L3MBTL4: variants seen among roughly 807,000 people sequenced by gnomAD.
L3MBTL4 encodes the protein lethal(3)malignant brain tumor-like protein 4.
In L3MBTL4, 70 loss-of-function variants were observed where a neutral mutation model predicts 84.5. The ratio of observed to expected loss-of-function variants is 0.83; its 90% CI spans 0.68 to 1.01. The LOEUF is 1.01. Among genes scored for constraint, L3MBTL4 ranks in the 50% least tolerant of loss-of-function variants. The pLI is 0.00. For missense variants in L3MBTL4, 715 were observed against 754.8 expected, an observed-to-expected ratio of 0.95 and a Z score of 0.62; for synonymous variants, 274 against 259.8, an observed-to-expected ratio of 1.05 and a Z score of -0.52.
chr18:5,969,535 AC>A lies in L3MBTL4; in HGVS notation c.1471del (p.Val491CysfsTer79). 6.2e-7 allele frequency: 1 copy of A among 1,611,054 alleles called. No homozygotes were observed. The highest frequency in any genetic ancestry group is 8.5e-7 in the Non-Finnish European group (1 of 1,178,440). On this transcript the variant is annotated frameshift_variant, in exon 17 of 19. Coordinates refer to ENST00000317931, the MANE Select transcript of L3MBTL4 (RefSeq NM_001330559.2). LOFTEE classifies it high-confidence loss of function. Reference protein sequence around the residue: ...REYSVEQAQQVLHQSVSMSTV... With the variant: ...REYSVEQAQQXLHQSVSMSTV... ...GGACATGGACACTGACTGGTGAAGCACCTGCTGCGCCTGCTCCACCGAGTAT... is the reference window on the plus strand; with the variant it reads ...GGACATGGACACTGACTGGTGAAGCACTGCTGCGCCTGCTCCACCGAGTAT...
chr18:6,027,906 G>C (rs544848549), intron 16 of L3MBTL4, among the ~76,000 whole-genome samples: 127 of 152,032 alleles, frequency 8.4e-4, no homozygotes, highest in Non-Finnish European at 1.6e-3. Flanking sequence ...TCATAAATTT[G>C]TTTAAGTTCC....
intron 5 of L3MBTL4, among the ~76,000 whole-genome samples, chr18:6,244,884 C>A (rs919576805): frequency 9.9e-5 from 15 of 152,056 alleles, no homozygotes; most frequent in African/African-American, 3.6e-4. Context: ...ACTGTCTACC[C>A]CAGGGTTATA....
chr18:6,001,688 A>G (rs1457670339), intron 16 of L3MBTL4, among the ~76,000 whole-genome samples: 2 of 152,202 alleles, frequency 1.3e-5, no homozygotes, highest in Non-Finnish European at 2.9e-5. Flanking sequence ...AGCAGATTTG[A>G]GTAGAAGTAA....
rs369246840 is a variant in L3MBTL4, at chr18:6,066,208, G to A, written c.1444+14673C>T. Among the ~76,000 whole-genome samples, 8 of 152,154 alleles carry A rather than the reference G, an allele frequency of 5.3e-5. No individual in the cohort carries two copies. In the East Asian group the frequency reaches 9.6e-4, roughly 18 times the overall value. ...TTGATTTCCAGTTTTATTCCACAGT[G>A]GTTTCAGAAGACCCTTGTTATGATT... On this transcript the variant is annotated intron_variant, in intron 16 of 18. Transcript: ENST00000317931.
intron 16 of L3MBTL4, among the ~76,000 whole-genome samples, chr18:6,061,047 G>A (rs2057201239): frequency 6.6e-6 from 1 of 152,116 alleles, no homozygotes; most frequent in South Asian, 2.1e-4. Context: ...TGGATCATAT[G>A]TTAAGTCTGT....
At chr18:6,229,605 T>C (rs1165774495) in intron 10 of L3MBTL4, among the ~76,000 whole-genome samples, 1 of 152,120 alleles carries the variant, frequency 6.6e-6, no homozygotes. Flanking sequence ...ACTTCAATAG[T>C]TTTAGTTCTT....
At chr18:6,332,674 G>T (rs566129667) in intron 1 of L3MBTL4, among the ~76,000 whole-genome samples, 1 of 152,328 alleles carries the variant, frequency 6.6e-6, no homozygotes, top group African/African-American at 2.4e-5. Context: ...GGTCCATTCA[G>T]ACCAAAGACA....
At chr18:6,348,167 A>T (rs1255932882) in intron 1 of L3MBTL4, among the ~76,000 whole-genome samples, 11 of 152,018 alleles carry the variant, frequency 7.2e-5, no homozygotes, top group Non-Finnish European at 1.5e-5. Flanking sequence ...AATGAAAAAA[A>T]TACCATATAT....
At chr18:6,188,424 G>A (rs950779532) in intron 12 of L3MBTL4, among the ~76,000 whole-genome samples, 1 of 151,742 alleles carries the variant, frequency 6.6e-6, no homozygotes, top group African/African-American at 2.4e-5. Flanking sequence ...AGGACAATTA[G>A]AAGTATTAGA....
intron 14 of L3MBTL4, among the ~76,000 whole-genome samples, chr18:6,108,821 AC>A (rs2059097908): frequency 6.6e-6 from 1 of 152,214 alleles, no homozygotes; most frequent in South Asian, 2.1e-4. Flanking sequence ...ACACAAAAAA[AC>A]AAATATAGTA....
intron 16 of L3MBTL4, among the ~76,000 whole-genome samples, chr18:6,066,897 A>G (rs1280683344): frequency 6.7e-6 from 1 of 149,180 alleles, no homozygotes; most frequent in African/African-American, 2.5e-5. Context: ...TAGTGATCAT[A>G]TTAGATGTTG....
intron 1 of L3MBTL4, among the ~76,000 whole-genome samples, chr18:6,400,543 G>A (rs1469263481): frequency 2.6e-5 from 4 of 152,124 alleles, no homozygotes; most frequent in Non-Finnish European, 5.9e-5. Context: ...CCAAATAGCT[G>A]GGACTACAGG....
intron 1 of L3MBTL4, among the ~76,000 whole-genome samples, chr18:6,314,047 T>A (rs2050963862): frequency 1.1e-5 from 1 of 93,988 alleles, no homozygotes; most frequent in African/African-American, 4.9e-5. Context: ...GATAGATAGA[T>A]AGATAGATAG....
intron 13 of L3MBTL4, among the ~76,000 whole-genome samples, chr18:6,159,665 C>T (rs1568223102): frequency 6.6e-6 from 1 of 152,214 alleles, no homozygotes; most frequent in Non-Finnish European, 1.5e-5. Context: ...TGCCACATGG[C>T]TCTCCCTGAA....
chr18:6,008,443 T>C (rs1302537200), intron 16 of L3MBTL4, among the ~76,000 whole-genome samples: 1 of 152,120 alleles, frequency 6.6e-6, no homozygotes, highest in African/African-American at 2.4e-5. Flanking sequence ...ATACTATAGA[T>C]TGGTGGCTTC....
At chr18:6,064,738 G>A (rs942178742) in intron 16 of L3MBTL4, among the ~76,000 whole-genome samples, 4 of 151,770 alleles carry the variant, frequency 2.6e-5, no homozygotes, top group African/African-American at 7.3e-5. Flanking sequence ...ATGAGATCTA[G>A]GAGCTTTTTG....
At chr18:6,294,120 G>A (rs3898848) in intron 4 of L3MBTL4, among the ~76,000 whole-genome samples, 28,769 of 151,962 alleles carry the variant, frequency 0.19, 2,860 homozygotes, top group African/African-American at 0.24. Context: ...ATAATGTATC[G>A]GGGGTGATGA....
At chr18:5,991,514 T>C (rs2053698078) in intron 16 of L3MBTL4, among the ~76,000 whole-genome samples, 1 of 152,186 alleles carries the variant, frequency 6.6e-6, no homozygotes, top group African/African-American at 2.4e-5. Flanking sequence ...TGGCATCTTT[T>C]GTCTACACTA....
At chr18:6,130,996 C>T (rs2059860017) in intron 14 of L3MBTL4, among the ~76,000 whole-genome samples, 1 of 152,152 alleles carries the variant, frequency 6.6e-6, no homozygotes, top group Admixed American at 6.6e-5. Flanking sequence ...TGTCTGACAT[C>T]CATCTAAAAA....
Sources: allele counts gnomAD v4.1 joint callset (sites outside exome capture counted in the v4.1 genomes callset), GRCh38; gene constraint gnomAD v4.1.1; transcripts MANE v1.5; gene names NCBI Gene and HGNC (gene_info 2026-07-23, HGNC 2026-07-21).